Variants in BACH2 observed in about 807,000 individuals in gnomAD.
BACH2 encodes the protein BACH transcriptional regulator 2, also known as transcription regulator protein BACH2.
BACH2 carries 5 observed loss-of-function variants against 61.8 expected under a neutral mutation model. The ratio of observed to expected loss-of-function variants is 0.08; its 90% confidence interval spans 0.04 to 0.17. BACH2 has a LOEUF of 0.17. Among genes scored for constraint, BACH2 ranks in the 10% least tolerant of loss-of-function variants. The pLI, the probability that BACH2 is intolerant of heterozygous loss-of-function variation, is 1.00. For synonymous variants in BACH2, 446 were observed against 440.1 expected (o/e 1.01, Z -0.17); for missense variants, 824 against 1,091.1 (o/e 0.76, Z 3.45).
In BACH2 at chr6:90,205,638, C is replaced by A. The variant is rs550570893; in HGVS notation, c.-162+931G>T. ...ACCAAACTCTTTGCTGTTCTCTGAG[C>A]ACACCAGGCTTTCTCATATGCTTTT... On this transcript the variant is annotated intron_variant, in intron 4 of 8. Coordinates refer to ENST00000257749, the MANE Select transcript of BACH2 (RefSeq NM_021813.4). Among the ~76,000 whole-genome samples, 4 of 152,326 alleles carry A rather than the reference C, an allele frequency of 2.6e-5. No homozygotes were observed. The South Asian group carries it at 8.3e-4, about 32-fold the overall frequency.
Position 89,931,941 on chromosome 6 carries a change from ATATATATATATATATATTT to A in BACH2, c.*448_*466del, listed in dbSNP as rs1397636884. ...GCAGGACTTTTGCATATGGATATAT[ATATATATATATATATATTT>A]TATATATATATTATATATAATATGT... On this transcript the variant is annotated 3_prime_UTR_variant, in exon 9 of 9. Coordinates refer to ENST00000257749, the MANE Select transcript of BACH2 (RefSeq NM_021813.4). 1.4e-5 allele frequency: 2 copies of A among 145,652 alleles called. No individual in the cohort carries two copies. Among genetic ancestry groups the A allele is most frequent in the African/African-American group, 5.1e-5 (2 of 39,486 alleles). 9.0% of individuals were successfully genotyped at this position (145,652 alleles called of 1,614,324 possible).
intron 4 of BACH2, among the ~76,000 whole-genome samples, chr6:90,159,595 A>G (rs1163684704): frequency 2.0e-5 from 3 of 152,230 alleles, no homozygotes; most frequent in African/African-American, 7.2e-5. Flanking sequence ...TTAAATACAC[A>G]AAGCATTGAG....
intron 2 of BACH2, among the ~76,000 whole-genome samples, chr6:90,257,139 A>G (rs1229059654): frequency 1.3e-5 from 2 of 152,168 alleles, no homozygotes; most frequent in South Asian, 2.1e-4. Context: ...TCAGACACTT[A>G]GGTTGTTTCC....
At chr6:90,259,513 G>T (rs1170187368) in intron 2 of BACH2, among the ~76,000 whole-genome samples, 1 of 152,218 alleles carries the variant, frequency 6.6e-6, no homozygotes, top group African/African-American at 2.4e-5. Flanking sequence ...ATTCATCAGA[G>T]AAATTGGGTT....
intron 3 of BACH2, among the ~76,000 whole-genome samples, chr6:90,212,951 A>G (rs1419965308): frequency 6.6e-6 from 1 of 152,222 alleles, no homozygotes; most frequent in African/African-American, 2.4e-5. Flanking sequence ...ATGATAAGTC[A>G]GGATATCTAA....
At chr6:89,943,169 T>C (rs1773534044) in intron 7 of BACH2, among the ~76,000 whole-genome samples, 1 of 152,056 alleles carries the variant, frequency 6.6e-6, no homozygotes, top group Admixed American at 6.6e-5. Context: ...TGTCCAGGGA[T>C]TCTTAGGTCC....
chr6:90,196,380 G>A (rs190013464), intron 4 of BACH2, among the ~76,000 whole-genome samples: 58 of 152,174 alleles, frequency 3.8e-4, no homozygotes, highest in Non-Finnish European at 7.2e-4. Flanking sequence ...CATTATTAAA[G>A]TCTATTAAAG....
chr6:90,135,952 C>T (rs764379636), intron 4 of BACH2, among the ~76,000 whole-genome samples: 3 of 152,188 alleles, frequency 2.0e-5, no homozygotes, highest in Admixed American at 6.5e-5. Flanking sequence ...AACTCTGCCA[C>T]GGCCAGCTCA....
At chr6:90,145,278 CAG>C (rs1784579393) in intron 4 of BACH2, among the ~76,000 whole-genome samples, 1 of 152,080 alleles carries the variant, frequency 6.6e-6, no homozygotes, top group South Asian at 2.1e-4. Flanking sequence ...TAAAAAAATC[CAG>C]AAAGACAGAA....
intron 5 of BACH2, among the ~76,000 whole-genome samples, chr6:90,030,277 G>A (rs1325471418): frequency 6.6e-6 from 1 of 152,142 alleles, no homozygotes; most frequent in African/African-American, 2.4e-5. Context: ...GCACCCTCAG[G>A]ATGATGCTTT....
At chr6:90,166,704 A>G (rs899316255) in intron 4 of BACH2, among the ~76,000 whole-genome samples, 45 of 152,286 alleles carry the variant, frequency 3.0e-4, no homozygotes, top group African/African-American at 1.1e-3. Context: ...GCACATATAC[A>G]CCATGGAATA....
At chr6:89,997,932 A>G (rs1776941074) in intron 6 of BACH2, among the ~76,000 whole-genome samples, 1 of 152,242 alleles carries the variant, frequency 6.6e-6, no homozygotes. Flanking sequence ...ATAAGCTGTC[A>G]TTTGGTTTTG....
intron 3 of BACH2, among the ~76,000 whole-genome samples, chr6:90,244,621 TGCGCACACAC>T (rs1770571611): frequency 6.6e-6 from 1 of 151,166 alleles, no homozygotes; most frequent in African/African-American, 2.5e-5. Context: ...CGCGCACACA[TGCGCACACAC>T]GCACACAAAT....
chr6:90,232,109 T>C (rs1280291525), intron 3 of BACH2, among the ~76,000 whole-genome samples: 1 of 152,224 alleles, frequency 6.6e-6, no homozygotes, highest in Non-Finnish European at 1.5e-5. Context: ...AGGAAAACAC[T>C]TATTACTGAA....
chr6:90,189,525 G>A (rs993083019), intron 4 of BACH2, among the ~76,000 whole-genome samples: 4 of 150,626 alleles, frequency 2.7e-5, no homozygotes, highest in African/African-American at 7.3e-5. Context: ...GGAGAATGGC[G>A]TGAACCCGGG....
intron 4 of BACH2, among the ~76,000 whole-genome samples, chr6:90,106,793 T>C (rs1782939860): frequency 6.6e-6 from 1 of 152,242 alleles, no homozygotes; most frequent in African/African-American, 2.4e-5. Context: ...ACCACATCAC[T>C]GCATACATCA....
chr6:90,039,759 C>G (rs1025312763), intron 5 of BACH2, among the ~76,000 whole-genome samples: 1 of 152,116 alleles, frequency 6.6e-6, no homozygotes, highest in Non-Finnish European at 1.5e-5. Flanking sequence ...ACAAAAAACC[C>G]CTGCCTGTTT....
At chr6:89,979,304 A>G (rs1775825973) in intron 6 of BACH2, among the ~76,000 whole-genome samples, 4 of 152,180 alleles carry the variant, frequency 2.6e-5, no homozygotes, top group African/African-American at 9.7e-5. Flanking sequence ...TCTTTCATTT[A>G]TTTGACAAAC....
intron 1 of BACH2, among the ~76,000 whole-genome samples, chr6:90,295,663 G>C: frequency 6.6e-6 from 1 of 151,744 alleles, no homozygotes; most frequent in Admixed American, 6.6e-5. Flanking sequence ...GGGTGTGTGT[G>C]TGTGTGTGTG....
Sources: allele counts gnomAD v4.1 joint callset (sites outside exome capture counted in the v4.1 genomes callset), GRCh38; gene constraint gnomAD v4.1.1; transcripts MANE v1.5; gene names NCBI Gene and HGNC (gene_info 2026-07-23, HGNC 2026-07-21).